CAP2: variants seen among roughly 807,000 people sequenced by gnomAD.
CAP2 encodes cyclase associated actin cytoskeleton regulatory protein 2, also known as adenylyl cyclase-associated protein 2.
CAP2 carries 24 observed loss-of-function variants against 57.7 expected under a neutral mutation model. That is an observed-to-expected ratio of 0.42 (90% CI 0.30 to 0.58). The LOEUF (loss-of-function observed/expected upper bound fraction) is 0.58. Ranked by LOEUF, CAP2 falls within the 20% of genes least tolerant of loss-of-function variation. CAP2 has a pLI of 0.22. For missense variants in CAP2, 501 were observed against 590.3 expected (o/e 0.85, Z 1.57); for synonymous variants, 194 against 207.2 (o/e 0.94, Z 0.55).
intron 4 of CAP2, among the ~76,000 whole-genome samples, chr6:17,482,081 A>G (rs2113623351): frequency 6.6e-6 from 1 of 152,296 alleles, no homozygotes; most frequent in African/African-American, 2.4e-5. Flanking sequence ...TTTTATACTC[A>G]TCACGATCCT....
intron 1 of CAP2, among the ~76,000 whole-genome samples, chr6:17,411,031 A>G (rs114834350): frequency 9.2e-4 from 134 of 145,862 alleles, no homozygotes; most frequent in African/African-American, 3.1e-3. Context: ...ATTTCTTATA[A>G]ATGGAATCAT....
At chr6:17,406,182 C>T (rs1264650656) in intron 1 of CAP2, among the ~76,000 whole-genome samples, 2 of 152,102 alleles carry the variant, frequency 1.3e-5, no homozygotes, top group East Asian at 1.9e-4. Flanking sequence ...ATTCTCGCCA[C>T]ACACCTCTAC....
intron 4 of CAP2, among the ~76,000 whole-genome samples, chr6:17,481,490 T>C (rs946235560): frequency 1.3e-4 from 20 of 152,216 alleles, no homozygotes; most frequent in Admixed American, 2.0e-4. Context: ...TTTGTAATTA[T>C]TATCTGAGAT....
chr6:17,502,620 C>T (rs1341176502), intron 4 of CAP2, among the ~76,000 whole-genome samples: 1 of 151,924 alleles, frequency 6.6e-6, no homozygotes, highest in Non-Finnish European at 1.5e-5. Flanking sequence ...AAAGTATCTT[C>T]CAGAAGACTC....
chr6:17,541,948 T>C (rs1458335337), intron 9 of CAP2, among the ~76,000 whole-genome samples: 1 of 152,204 alleles, frequency 6.6e-6, no homozygotes, highest in African/African-American at 2.4e-5. Context: ...TAGCATAAAA[T>C]GGACTGTTCA....
intron 3 of CAP2, among the ~76,000 whole-genome samples, chr6:17,444,464 T>C (rs1215116885): frequency 2.0e-5 from 3 of 151,746 alleles, no homozygotes; most frequent in Non-Finnish European, 4.4e-5. Flanking sequence ...TGGTGAAACT[T>C]GGTTTCTACT....
At position 17,496,141 on chromosome 6, in the gene CAP2, A is replaced by G. The variant is rs138623023; in HGVS notation, c.301-11028A>G. ...CAGAGAGGAAGGGGCAAATGAATACACAGTGAGCAGCCCAGCAGGCCTCCA... is the reference window on the plus strand; with the variant it reads ...CAGAGAGGAAGGGGCAAATGAATACGCAGTGAGCAGCCCAGCAGGCCTCCA... On this transcript the variant is annotated intron_variant, in intron 4 of 12. Coordinates refer to ENST00000229922, the MANE Select transcript of CAP2 (RefSeq NM_006366.3). Among the ~76,000 whole-genome samples, 463 of 152,048 alleles carry G rather than the reference A, an allele frequency of 3.0e-3. 4 individuals are homozygous for G. Among genetic ancestry groups the G allele is most frequent in the Non-Finnish European group, 4.8e-3 (324 of 67,988 alleles).
At chr6:17,496,801 T>G (rs1459817167) in intron 4 of CAP2, among the ~76,000 whole-genome samples, 1 of 152,232 alleles carries the variant, frequency 6.6e-6, no homozygotes, top group Non-Finnish European at 1.5e-5. Context: ...TGAAATTCTT[T>G]GCATCTGCTG....
At chr6:17,481,256 G>C (rs1195100475) in intron 4 of CAP2, among the ~76,000 whole-genome samples, 1 of 151,982 alleles carries the variant, frequency 6.6e-6, no homozygotes, top group African/African-American at 2.4e-5. Context: ...AGTCGTTCTT[G>C]CTTTTTCTTT....
At chr6:17,469,448 A>G (rs970624874) in intron 4 of CAP2, among the ~76,000 whole-genome samples, 4 of 151,448 alleles carry the variant, frequency 2.6e-5, no homozygotes, top group Admixed American at 1.3e-4. Flanking sequence ...GTGTGTGTGT[A>G]TTTGCATGGA....
intron 4 of CAP2, among the ~76,000 whole-genome samples, chr6:17,500,551 C>T (rs952821452): frequency 6.6e-6 from 1 of 151,318 alleles, no homozygotes; most frequent in African/African-American, 2.4e-5. Flanking sequence ...TCTTCTTCAC[C>T]TGTATAATTT....
At chr6:17,397,113 G>C (rs1758684367) in intron 1 of CAP2, among the ~76,000 whole-genome samples, 1 of 152,106 alleles carries the variant, frequency 6.6e-6, no homozygotes, top group Admixed American at 6.5e-5. Context: ...AGGCTGGAAT[G>C]GAGTGGCACA....
At chr6:17,503,208 C>T (rs932437359) in intron 4 of CAP2, among the ~76,000 whole-genome samples, 1 of 152,076 alleles carries the variant, frequency 6.6e-6, no homozygotes, top group African/African-American at 2.4e-5. Flanking sequence ...AACAGAAATT[C>T]CTCACAGTTC....
intron 7 of CAP2, among the ~76,000 whole-genome samples, chr6:17,535,569 T>G (rs1482713544): frequency 6.7e-6 from 1 of 149,112 alleles, no homozygotes; most frequent in Non-Finnish European, 1.5e-5. Flanking sequence ...CCACCGTGAC[T>G]GGCCATGACT....
intron 7 of CAP2, among the ~76,000 whole-genome samples, chr6:17,517,881 A>G (rs1256808484): frequency 6.6e-6 from 1 of 152,194 alleles, no homozygotes; most frequent in Non-Finnish European, 1.5e-5. Context: ...AGCCTGGGCA[A>G]CAAGAGTGAG....
intron 12 of CAP2, among the ~76,000 whole-genome samples, chr6:17,553,182 A>T (rs1242674836): frequency 6.6e-6 from 1 of 152,162 alleles, no homozygotes; most frequent in African/African-American, 2.4e-5. Context: ...TGGGATTTGG[A>T]TGAACACTGC....
chr6:17,438,841 G>A (rs573970475), intron 3 of CAP2, among the ~76,000 whole-genome samples: 6 of 149,500 alleles, frequency 4.0e-5, no homozygotes, highest in East Asian at 4.0e-4. Context: ...TGCCGGGCGC[G>A]GTGGCTCACG....
At chr6:17,523,581 A>G (rs1320880606) in intron 7 of CAP2, among the ~76,000 whole-genome samples, 1 of 152,228 alleles carries the variant, frequency 6.6e-6, no homozygotes, top group Non-Finnish European at 1.5e-5. Flanking sequence ...TATTTCAAGA[A>G]TGGGGTAAAC....
At chr6:17,451,231 CAA>C (rs35633911) in intron 3 of CAP2, among the ~76,000 whole-genome samples, 1,967 of 146,608 alleles carry the variant, frequency 0.013, 49 homozygotes, top group African/African-American at 0.048. Context: ...ATCTTCTATC[CAA>C]AAAAAAAAAA....
Sources: allele counts gnomAD v4.1 joint callset (sites outside exome capture counted in the v4.1 genomes callset), GRCh38; gene constraint gnomAD v4.1.1; transcripts MANE v1.5; gene names NCBI Gene and HGNC (gene_info 2026-07-23, HGNC 2026-07-21).